The following IPO8 variants were observed in gnomAD, a reference collection of about 807,000 sequenced individuals.
IPO8 encodes the protein importin 8.
Under a neutral mutation model 141.2 loss-of-function variants are expected in IPO8, and 65 were observed. The observed-to-expected ratio is 0.46, with a 90% CI of 0.38 to 0.57. The LOEUF (loss-of-function observed/expected upper bound fraction) is 0.57, where lower values mean the gene tolerates loss of function less well. IPO8 is among the 20% of genes least tolerant of loss of function. The probability of loss-of-function intolerance (pLI) is 0.00; values close to 1 mark genes in which losing one functional copy is unlikely to be tolerated. For missense variants in IPO8, 980 were observed against 1,246.8 expected (o/e 0.79, Z 3.22); for synonymous variants, 411 against 420.3 (o/e 0.98, Z 0.27).
At chr12:30,656,779 A>C (rs767664777) in intron 16 of IPO8, 29 bp from the exon 17 acceptor site, 2 of 1,088,402 alleles carry the variant, frequency 1.8e-6, no homozygotes, top group Non-Finnish European at 2.6e-6. Context: ...TATTAAGCTT[A>C]AAATTATCAT....
intron 5 of IPO8, chr12:30,677,098 G>T: frequency 2.0e-6 from 3 of 1,508,626 alleles, no homozygotes. Context: ...CATCCATTCA[G>T]TACAAAACAT....
intron 3 of IPO8, among the ~76,000 whole-genome samples, chr12:30,682,515 T>C (rs1362054524): frequency 6.6e-6 from 1 of 152,128 alleles, no homozygotes; most frequent in Non-Finnish European, 1.5e-5. Flanking sequence ...AACCACAAAG[T>C]TAAATGCTAA....
At position 30,688,963 on chromosome 12, in the gene IPO8, G is replaced by A. The variant is rs1472422458; in HGVS notation, c.166+1533C>T. Among the ~76,000 whole-genome samples the A allele has an allele frequency of 7.2e-5, 11 of 151,974 alleles. No individual in the cohort carries two copies. In the East Asian group the frequency reaches 2.1e-3, roughly 29 times the overall value. On this transcript the variant is annotated intron_variant, in intron 2 of 24. Coordinates refer to ENST00000256079, the MANE Select transcript of IPO8 (RefSeq NM_006390.4). ...ATGAAAAAAAGACAATAAGCGAAATGTCCATCAATATCAAATCGTTTAAGT... is the reference window on the plus strand; with the variant it reads ...ATGAAAAAAAGACAATAAGCGAAATATCCATCAATATCAAATCGTTTAAGT...
chr12:30,678,160 T>TA (rs1202762553), intron 5 of IPO8, among the ~76,000 whole-genome samples: 1 of 151,204 alleles, frequency 6.6e-6, no homozygotes, highest in Non-Finnish European at 1.5e-5. Context: ...GTTTATGAAG[T>TA]AAAAAAGTTA....
chr12:30,632,216 T>A (rs1037389468), intron 23 of IPO8, among the ~76,000 whole-genome samples: 2 of 152,166 alleles, frequency 1.3e-5, no homozygotes, highest in Non-Finnish European at 2.9e-5. Flanking sequence ...ATGTGGGAAA[T>A]CAAAGGAAGG....
intron 19 of IPO8, among the ~76,000 whole-genome samples, 189 bp downstream of exon 19, chr12:30,652,003 A>G (rs1209397901): frequency 6.6e-6 from 1 of 152,144 alleles, no homozygotes; most frequent in African/African-American, 2.4e-5. Context: ...GCAAACATTC[A>G]TAAGCACGAC....
intron 2 of IPO8, among the ~76,000 whole-genome samples, chr12:30,685,772 A>C (rs965632553): frequency 1.3e-5 from 2 of 151,764 alleles, no homozygotes; most frequent in African/African-American, 4.8e-5. Context: ...TAAAAATACC[A>C]AAATTAGCCA....
At chr12:30,680,240 C>G (rs1457356408) in intron 5 of IPO8, 2 of 346,740 alleles carry the variant, frequency 5.8e-6, no homozygotes, top group Non-Finnish European at 1.0e-5. Flanking sequence ...GGTTTACCTA[C>G]CCTGGTTCTG....
chr12:30,648,393 T>C (rs2052677860), intron 20 of IPO8, among the ~76,000 whole-genome samples: 1 of 152,200 alleles, frequency 6.6e-6, no homozygotes, highest in African/African-American at 2.4e-5. Context: ...GACAAAGTCA[T>C]AGTGGTTGCC....
intron 16 of IPO8, among the ~76,000 whole-genome samples, chr12:30,660,232 TAAAC>T (rs772716792): frequency 3.9e-4 from 59 of 152,230 alleles, no homozygotes; most frequent in South Asian, 8.3e-4. Context: ...AAAAATTAAA[TAAAC>T]AAATAAAAGT....
chr12:30,645,680 T>C (rs958186405), intron 20 of IPO8, among the ~76,000 whole-genome samples: 2 of 151,952 alleles, frequency 1.3e-5, no homozygotes, highest in Non-Finnish European at 2.9e-5. Flanking sequence ...AACAGGGTCA[T>C]TACTATGGAA....
chr12:30,632,492 C>G (rs1427955075), intron 23 of IPO8, among the ~76,000 whole-genome samples: 2 of 152,104 alleles, frequency 1.3e-5, no homozygotes, highest in Non-Finnish European at 2.9e-5. Flanking sequence ...TTAACAATTT[C>G]CTCCCAAACC....
intron 6 of IPO8, 81 bp from the exon 7 acceptor site, chr12:30,674,834 A>C (rs1198406385): frequency 1.1e-6 from 1 of 906,244 alleles, no homozygotes; most frequent in African/African-American, 1.6e-5. Flanking sequence ...ATAAATCTTG[A>C]TATAGGTTAA....
intron 22 of IPO8, 147 bp from the exon 23 acceptor site, chr12:30,634,433 G>A: frequency 2.4e-5 from 14 of 573,496 alleles, no homozygotes; most frequent in Admixed American, 1.0e-4. Flanking sequence ...TCTTATCCCT[G>A]GTCTAAAGAG....
chr12:30,680,222 A>G (rs1591843036), intron 5 of IPO8: 1 of 300,618 alleles, frequency 3.3e-6, no homozygotes, highest in East Asian at 6.2e-5. Context: ...CAGGTTTTAG[A>G]GCAGGTAGGT....
intron 2 of IPO8, among the ~76,000 whole-genome samples, chr12:30,690,195 T>C (rs1255138913): frequency 6.6e-6 from 1 of 152,044 alleles, no homozygotes; most frequent in Non-Finnish European, 1.5e-5. Flanking sequence ...CCAGAAATCA[T>C]AAAACGTTAG....
At chr12:30,636,889 C>A (rs939739866) in intron 22 of IPO8, 93 bp downstream of exon 22, 17 of 1,048,586 alleles carry the variant, frequency 1.6e-5, no homozygotes, top group Non-Finnish European at 2.0e-5. Context: ...GAATGTAAAT[C>A]TGTTTAATGT....
Position 30,663,585 on chromosome 12 carries a change from C to G in IPO8, c.1498G>C (p.Glu500Gln), listed in dbSNP as rs150990007. The change falls in exon 14 of 25, where the codon GAA (glutamate) becomes CAA (glutamine). Residue 500 changes from glutamate to glutamine, a missense_variant. Glu to Gln is a conservative substitution (Grantham distance 29, BLOSUM62 2). This residue lies in a region of IPO8 where 924 missense variants were observed against 1,153.9 expected (regional missense o/e 0.80). Transcript: ENST00000256079. Reference protein sequence around the residue: ...HNELNLRNAVELAKKSLIEDK... With the variant: ...HNELNLRNAVQLAKKSLIEDK... ...TCAATCAGGCTCTTCTTCGCTAATTCAACGGCATTTCTTAGATTGAGCTCA... is the reference window on the plus strand; with the variant it reads ...TCAATCAGGCTCTTCTTCGCTAATTGAACGGCATTTCTTAGATTGAGCTCA... 22 of 1,613,656 alleles carry G rather than the reference C, an allele frequency of 1.4e-5. No homozygotes were observed. Among genetic ancestry groups the G allele is most frequent in the African/African-American group, 2.7e-5 (2 of 75,036 alleles).
chr12:30,690,453 C>T (rs1193807644), intron 2 of IPO8, 43 bp downstream of exon 2: 2 of 1,100,168 alleles, frequency 1.8e-6, no homozygotes, highest in Middle Eastern at 2.0e-4. Flanking sequence ...TCATTCTACT[C>T]TCACCTATAA....
Sources: gnomAD v4.1 joint callset for allele counts (sites outside exome capture counted in the v4.1 genomes callset) on GRCh38, gnomAD v4.1.1 for gene constraint, gnomAD v4.1.1 regional missense constraint, MANE v1.5 for transcripts, NCBI Gene and HGNC (gene_info 2026-07-23, HGNC 2026-07-21) for gene names.